The following CACNA1S variants were observed in gnomAD, a reference collection of about 807,000 sequenced individuals.
CACNA1S encodes the protein voltage-dependent L-type calcium channel subunit alpha-1S.
A neutral mutation model predicts 207.4 loss-of-function variants in CACNA1S; 126 were observed. The ratio of observed to expected loss-of-function variants is 0.61; its 90% CI spans 0.53 to 0.70. CACNA1S has a LOEUF of 0.70. Among genes scored for constraint, CACNA1S ranks in the 30% least tolerant of loss-of-function variants. The probability of loss-of-function intolerance (pLI) is 0.00; values close to 1 mark genes in which losing one functional copy is unlikely to be tolerated. For missense variants in CACNA1S, 2,349 were observed against 2,422.8 expected, an observed-to-expected ratio of 0.97 and a Z score of 0.64; for synonymous variants, 960 against 932.7, an observed-to-expected ratio of 1.03 and a Z score of -0.53.
chr1:201,054,149 C>T (rs1329796180), intron 29 of CACNA1S, among the ~76,000 whole-genome samples: 2 of 152,214 alleles, frequency 1.3e-5, no homozygotes, highest in Non-Finnish European at 2.9e-5. Flanking sequence ...GGAGAGCTGC[C>T]CCTGCTCTGC....
At chr1:201,063,519 C>A (rs1034909819) in intron 22 of CACNA1S, among the ~76,000 whole-genome samples, 2 of 152,096 alleles carry the variant, frequency 1.3e-5, no homozygotes, top group Non-Finnish European at 2.9e-5. Flanking sequence ...GAACTCCCAA[C>A]CTCAAGTGAT....
rs966113176 is a variant in CACNA1S, at chr1:201,058,289, A to G, written c.3609+119T>C. ...GGCAGAAGCCGTGACTTGTCATTCC[A>G]TCTTTTTAACCCCTGGGGTTCCATG... On this transcript the variant is annotated intron_variant, in intron 28 of 43. Transcript: ENST00000362061. 6 of 875,994 alleles carry G rather than the reference A, an allele frequency of 6.8e-6. No individual in the cohort carries two copies. The African/African-American group carries it at 8.3e-5, about 12-fold the overall frequency. 54.3% of individuals were successfully genotyped at this position (875,994 alleles called of 1,614,324 possible).
intron 7 of CACNA1S, among the ~76,000 whole-genome samples, chr1:201,087,370 C>T (rs1303863256): frequency 6.6e-6 from 1 of 152,166 alleles, no homozygotes; most frequent in African/African-American, 2.4e-5. Context: ...CATTCTAGCT[C>T]CAGAGTCTGT....
chr1:201,086,829 G>A (rs1016230386), intron 7 of CACNA1S, among the ~76,000 whole-genome samples: 18 of 152,228 alleles, frequency 1.2e-4, no homozygotes, highest in East Asian at 1.2e-3. Context: ...AATACTATTC[G>A]CAACAACTGT....
chr1:201,043,646 T>C, intron 39 of CACNA1S, 115 bp from the exon 40 acceptor site: 1 of 962,372 alleles, frequency 1.0e-6, no homozygotes. Context: ...ACAAATCTTA[T>C]AAGGCCAAAG....
At chr1:201,044,486 C>T in intron 38 of CACNA1S, 30 bp from the exon 39 acceptor site, 1 of 1,609,354 alleles carries the variant, frequency 6.2e-7, no homozygotes. Flanking sequence ...TCAGTTATCT[C>T]TCCAGCCCAG....
intron 17 of CACNA1S, 121 bp downstream of exon 17, chr1:201,070,150 TA>T (rs1294753418): frequency 2.7e-6 from 3 of 1,110,340 alleles, no homozygotes; most frequent in African/African-American, 3.1e-5. Flanking sequence ...GATCTTAAGC[TA>T]AAACACTGAG....
chr1:201,074,529 C>T lies in CACNA1S; in HGVS notation c.2040G>A (p.Glu680=). 1 of 1,613,414 alleles carries T rather than the reference C, an allele frequency of 6.2e-7. No homozygotes were observed. The highest frequency in any genetic ancestry group is 8.5e-7 in the Non-Finnish European group (1 of 1,179,376). ...ACTTGGACATCTTCCTGCGTTTTTT[C>T]TCCTCAGCCTTGGCCTTCTGGGCAG... ...LTSAQKAKAE[E]KKRRKMSKGL... is the part of the protein sequence containing the mutation. Residue 680 remains glutamate, a synonymous_variant, in exon 14 of 44, where the codon GAG becomes GAA. Coordinates refer to ENST00000362061, the MANE Select transcript of CACNA1S (RefSeq NM_000069.3).
rs1475343218 is a variant in CACNA1S at position 201,066,553 on chromosome 1, C to T, written c.2658-237G>A. Among the ~76,000 whole-genome samples the T allele has an allele frequency of 6.6e-6, 1 of 152,196 alleles. No homozygotes were observed. Among genetic ancestry groups the T allele is most frequent in the Non-Finnish European group, 1.5e-5 (1 of 68,022 alleles). On this transcript the variant is annotated intron_variant, in intron 20 of 43. Transcript: ENST00000362061. The surrounding 1 kb of genome is among the most constrained non-coding windows in gnomAD (Gnocchi z 4.3). ...GTGTCATGAAGCAGAAGACAGCCTT[C>T]CCCTGTGGGTGGCTAGAAGCTCCGT...
intron 17 of CACNA1S, among the ~76,000 whole-genome samples, chr1:201,070,070 G>A (rs60774687): frequency 6.6e-6 from 1 of 152,172 alleles, no homozygotes; most frequent in Non-Finnish European, 1.5e-5. Flanking sequence ...GTCCCTCTTA[G>A]GTGTAAATAA....
intron 5 of CACNA1S, among the ~76,000 whole-genome samples, 153 bp from the exon 6 acceptor site, chr1:201,089,616 G>A (rs1022712798): frequency 6.6e-6 from 1 of 152,262 alleles, no homozygotes; most frequent in Non-Finnish European, 1.5e-5. Context: ...GGAGCAGACG[G>A]TGACAGTGAA....
At position 201,083,076 on chromosome 1, in the gene CACNA1S, C is replaced by T. The variant is rs1008745266; in HGVS notation, c.1393+86G>A. On this transcript the variant is annotated intron_variant, in intron 10 of 43. Coordinates refer to ENST00000362061, the MANE Select transcript of CACNA1S (RefSeq NM_000069.3). ...GTCAATATCTAATTGACCTCTTCTG[C>T]ACAACCTGTGGTGCCATTGGCTGAT... 5 of 1,444,154 alleles carry T rather than the reference C, an allele frequency of 3.5e-6. No homozygotes were observed. The African/African-American group carries it at 6.9e-5, about 20-fold the overall frequency. The allele number at this position is 1,444,154 out of a possible 1,614,324, so 89.5% of individuals were successfully genotyped here.
intron 38 of CACNA1S, among the ~76,000 whole-genome samples, chr1:201,046,664 C>T (rs1307447312): frequency 6.6e-6 from 1 of 151,938 alleles, no homozygotes; most frequent in African/African-American, 2.4e-5. Context: ...GCCTCAGCCT[C>T]CTGAGTAGCT....
intron 2 of CACNA1S, among the ~76,000 whole-genome samples, chr1:201,106,188 A>C (rs1268739529): frequency 4.4e-5 from 5 of 112,392 alleles, no homozygotes; most frequent in Admixed American, 1.1e-4. Flanking sequence ...AGTCCTCACC[A>C]TGGATTCCAC....
intron 36 of CACNA1S, 112 bp downstream of exon 36, chr1:201,048,470 C>T: frequency 1.1e-6 from 1 of 946,308 alleles, no homozygotes; most frequent in Non-Finnish European, 1.7e-6. Flanking sequence ...CCTCCCTCTA[C>T]TTCTTCCCAC....
intron 2 of CACNA1S, among the ~76,000 whole-genome samples, chr1:201,109,237 C>T (rs373825824): frequency 4.1e-5 from 5 of 121,624 alleles, no homozygotes; most frequent in African/African-American, 1.7e-4. Context: ...GAGTGAGACT[C>T]TGTCTCAAAA....
Position 201,066,373 on chromosome 1 carries a change from T to A in CACNA1S, c.2658-57A>T. 1.4e-6 allele frequency: 2 copies of A among 1,459,854 alleles called. No individual in the cohort carries two copies. The highest frequency in any genetic ancestry group is 1.9e-6 in the Non-Finnish European group (2 of 1,052,552). 90.4% of individuals were successfully genotyped at this position (1,459,854 alleles called of 1,614,324 possible). On this transcript the variant is annotated intron_variant, in intron 20 of 43. Transcript: ENST00000362061. The surrounding 1 kb of genome is among the most constrained non-coding windows in gnomAD (Gnocchi z 4.3). Reference sequence around the variant, plus strand: ...GCAGCCTGCTCCAGCCAGCCCAGTCTGCGGTGGAGCCTCCAGCCATATCCT... The same window carrying A: ...GCAGCCTGCTCCAGCCAGCCCAGTCAGCGGTGGAGCCTCCAGCCATATCCT...
chr1:201,040,507 C>T, intron 42 of CACNA1S, 115 bp downstream of exon 42: 1 of 1,415,400 alleles, frequency 7.1e-7, no homozygotes, highest in South Asian at 1.2e-5. Context: ...CCCGTCCCTT[C>T]TGTACTGTTG....
chr1:201,056,642 C>T (rs561929020), intron 28 of CACNA1S, among the ~76,000 whole-genome samples: 13 of 152,310 alleles, frequency 8.5e-5, no homozygotes, highest in African/African-American at 2.9e-4. Flanking sequence ...GCCACTTGGG[C>T]AACTGTTTTT....
Sources: allele counts gnomAD v4.1 joint callset (sites outside exome capture counted in the v4.1 genomes callset), GRCh38; gene constraint gnomAD v4.1.1; non-coding constraint Gnocchi (gnomAD v3.1); transcripts MANE v1.5; gene names NCBI Gene and HGNC (gene_info 2026-07-23, HGNC 2026-07-21).